ROBO1: variants seen among roughly 807,000 people sequenced by gnomAD.
ROBO1 encodes the protein roundabout guidance receptor 1.
ROBO1 carries 149 observed loss-of-function variants against 195.9 expected under a neutral mutation model. The observed-to-expected ratio is 0.76, with a 90% CI of 0.67 to 0.87. The LOEUF is 0.87. Ranked by LOEUF, ROBO1 falls within the 40% of genes least tolerant of loss-of-function variation. The probability of loss-of-function intolerance (pLI) is 0.00; values close to 1 mark genes in which losing one functional copy is unlikely to be tolerated. For missense variants in ROBO1, 1,933 were observed against 2,068.3 expected (o/e 0.93, Z 1.27); for synonymous variants, 816 against 733.2 (o/e 1.11, Z -1.82).
Position 78,997,467 on chromosome 3 carries a change from T to C in ROBO1, c.173-58540A>G, listed in dbSNP as rs376443104. Among the ~76,000 whole-genome samples, 49 of 152,176 alleles carry C rather than the reference T, an allele frequency of 3.2e-4. 1 individual carries two copies. The highest frequency in any genetic ancestry group is 1.1e-3 in the African/African-American group (46 of 41,456). Reference sequence around the variant, plus strand: ...CCATTCCACTAGCAGTAATTCACTCTTCTGTGCTTCACATTCTCCTTGTCA... The same window carrying C: ...CCATTCCACTAGCAGTAATTCACTCCTCTGTGCTTCACATTCTCCTTGTCA... On this transcript the variant is annotated intron_variant, in intron 3 of 30. Transcript: ENST00000464233.
At chr3:78,643,430 T>C (rs1333393523) in intron 21 of ROBO1, among the ~76,000 whole-genome samples, 2 of 152,158 alleles carry the variant, frequency 1.3e-5, no homozygotes, top group Admixed American at 6.6e-5. Flanking sequence ...AGAGAGTTAA[T>C]GGAGGGCATA....
At chr3:79,018,858 G>C (rs1334223368) in intron 3 of ROBO1, 2 of 1,004,992 alleles carry the variant, frequency 2.0e-6, no homozygotes, top group African/African-American at 1.7e-5. Context: ...AGGCGCGGCG[G>C]CGGCGGCAAA....
At chr3:78,693,346 A>G in intron 8 of ROBO1, 2 of 1,549,922 alleles carry the variant, frequency 1.3e-6, no homozygotes, top group Non-Finnish European at 1.7e-6. Flanking sequence ...ATGTCAACTT[A>G]CCAGACCCAA....
At chr3:78,953,719 G>T (rs1431495992) in intron 3 of ROBO1, among the ~76,000 whole-genome samples, 8 of 151,974 alleles carry the variant, frequency 5.3e-5, no homozygotes, top group Admixed American at 5.3e-4. Context: ...GATGGTCTGG[G>T]TTCAAATCTA....
At chr3:79,298,173 A>G (rs2032697720) in intron 2 of ROBO1, among the ~76,000 whole-genome samples, 1 of 152,094 alleles carries the variant, frequency 6.6e-6, no homozygotes, top group African/African-American at 2.4e-5. Flanking sequence ...AGGTTCTTTT[A>G]TGGTTAGAAT....
At chr3:78,948,328 G>T (rs1347398068) in intron 3 of ROBO1, among the ~76,000 whole-genome samples, 2 of 152,260 alleles carry the variant, frequency 1.3e-5, no homozygotes, top group East Asian at 3.9e-4. Context: ...GATCAAGTGG[G>T]CTTCATCCCT....
At chr3:78,874,916 T>C (rs2035753664) in intron 4 of ROBO1, among the ~76,000 whole-genome samples, 1 of 151,954 alleles carries the variant, frequency 6.6e-6, no homozygotes, top group Non-Finnish European at 1.5e-5. Context: ...AATAATCTTA[T>C]ATTCAAATTC....
intron 5 of ROBO1, among the ~76,000 whole-genome samples, chr3:78,718,096 C>A (rs915726485): frequency 2.0e-5 from 3 of 152,166 alleles, no homozygotes; most frequent in African/African-American, 7.2e-5. Flanking sequence ...AATGTTTCTC[C>A]TTACTTACAT....
chr3:79,451,909 C>T (rs547879015), intron 2 of ROBO1, among the ~76,000 whole-genome samples: 2 of 151,380 alleles, frequency 1.3e-5, no homozygotes, highest in African/African-American at 2.4e-5. Context: ...CTGTTAGGTC[C>T]GTCCAGAAAA....
At chr3:78,813,684 C>T (rs1159481334) in intron 4 of ROBO1, among the ~76,000 whole-genome samples, 1 of 152,046 alleles carries the variant, frequency 6.6e-6, no homozygotes, top group African/African-American at 2.4e-5. Flanking sequence ...TCAACGCAGG[C>T]ATTCTGACTC....
chr3:79,695,675 G>A (rs1273619916), intron 1 of ROBO1, among the ~76,000 whole-genome samples: 2 of 151,392 alleles, frequency 1.3e-5, no homozygotes, highest in African/African-American at 2.4e-5. Flanking sequence ...AAGGAATTAA[G>A]AGCCTATTAA....
At chr3:78,636,870 TTCTC>T (rs948069881) in intron 22 of ROBO1, among the ~76,000 whole-genome samples, 3 of 147,390 alleles carry the variant, frequency 2.0e-5, no homozygotes, top group Non-Finnish European at 4.5e-5. Context: ...CACTCCAGTT[TTCTC>T]TCTATTGAAA....
chr3:78,776,688 C>G (rs333475), intron 4 of ROBO1, among the ~76,000 whole-genome samples: 1 of 152,240 alleles, frequency 6.6e-6, no homozygotes. Context: ...AATTAATGTA[C>G]GTTAGAATGT....
At chr3:79,503,389 C>T (rs1409572439) in intron 2 of ROBO1, among the ~76,000 whole-genome samples, 2 of 152,192 alleles carry the variant, frequency 1.3e-5, no homozygotes, top group African/African-American at 2.4e-5. Flanking sequence ...CTTTTAAGAA[C>T]TGTACCACTC....
chr3:79,747,068 C>G (rs898126729), intron 1 of ROBO1, among the ~76,000 whole-genome samples: 1 of 151,912 alleles, frequency 6.6e-6, no homozygotes, highest in African/African-American at 2.4e-5. Context: ...TCATCCAGGT[C>G]TAAGTAGGGA....
chr3:78,755,014 G>A (rs949919951), intron 4 of ROBO1, among the ~76,000 whole-genome samples: 1 of 152,270 alleles, frequency 6.6e-6, no homozygotes, highest in South Asian at 2.1e-4. Context: ...GGACGACAGG[G>A]ACCAGATTTG....
At chr3:78,743,959 G>A (rs1257661911) in intron 5 of ROBO1, among the ~76,000 whole-genome samples, 3 of 152,176 alleles carry the variant, frequency 2.0e-5, no homozygotes, top group Admixed American at 2.0e-4. Context: ...ATAGTAATGA[G>A]TACTTGTATG....
intron 3 of ROBO1, among the ~76,000 whole-genome samples, chr3:79,021,709 G>T (rs1303445051): frequency 1.4e-5 from 2 of 146,138 alleles, no homozygotes; most frequent in Admixed American, 7.0e-5. Context: ...CGCCCAGGCT[G>T]GAGTGCAGTG....
chr3:79,732,747 T>G (rs559296540), intron 1 of ROBO1, among the ~76,000 whole-genome samples: 2 of 152,224 alleles, frequency 1.3e-5, no homozygotes, highest in African/African-American at 2.4e-5. Flanking sequence ...TGTTTTCCTC[T>G]TGCTTTTTTC....
Sources: allele counts gnomAD v4.1 joint callset (sites outside exome capture counted in the v4.1 genomes callset), GRCh38; gene constraint gnomAD v4.1.1; transcripts MANE v1.5; gene names NCBI Gene and HGNC (gene_info 2026-07-23, HGNC 2026-07-21).